HMCES: variants seen among roughly 807,000 people sequenced by gnomAD.
HMCES encodes 5-hydroxymethylcytosine binding, ES cell specific, also known as abasic site processing protein HMCES.
In HMCES, 27 loss-of-function variants were observed where a neutral mutation model predicts 35.1. That is an observed-to-expected ratio of 0.77 (90% CI 0.57 to 1.06). The LOEUF is 1.06. HMCES is among the 50% of genes least tolerant of loss of function. HMCES has a pLI of 0.00. For synonymous variants in HMCES, 130 were observed against 154.7 expected (o/e 0.84, Z 1.18); for missense variants, 391 against 430.4 (o/e 0.91, Z 0.81).
rs1288120318 is a variant in HMCES at position 129,306,019 on chromosome 3, G to A, written c.*1194G>A. On this transcript the variant is annotated 3_prime_UTR_variant, in exon 7 of 7. Coordinates refer to ENST00000383463, the MANE Select transcript of HMCES (RefSeq NM_020187.3). ...CCGGTTGAGAGGCGGGGGTTGGCCC[G>A]TAGTTGTACACTCAGTCACCCTGCA... The A allele has an allele frequency of 3.9e-5, 6 of 152,248 alleles. No homozygotes were observed. The highest frequency in any genetic ancestry group is 1.2e-4 in the African/African-American group (5 of 41,458). 9.4% of individuals were successfully genotyped at this position (152,248 alleles called of 1,614,324 possible). A position where few individuals can be genotyped will look rare whatever the true frequency, so the allele number is the denominator to read the frequency against.
intron 4 of HMCES, among the ~76,000 whole-genome samples, chr3:129,297,326 G>T (rs946365671): frequency 2.6e-5 from 4 of 152,168 alleles, no homozygotes; most frequent in Non-Finnish European, 4.4e-5. Flanking sequence ...TCCCCAGGGC[G>T]TAGGGGGCTT....
intron 4 of HMCES, 31 bp downstream of exon 4, chr3:129,290,835 T>G: frequency 1.3e-6 from 2 of 1,596,560 alleles, no homozygotes; most frequent in Non-Finnish European, 1.7e-6. Flanking sequence ...AATATATATT[T>G]GGAAAGGCAC....
At position 129,305,117 on chromosome 3, in the gene HMCES, T is replaced by A; in HGVS notation, c.*292T>A. The A allele has an allele frequency of 2.2e-6, 1 of 448,300 alleles. No individual in the cohort carries two copies. Among genetic ancestry groups the A allele is most frequent in the South Asian group, 3.0e-5 (1 of 33,262 alleles). The allele number at this position is 448,300 out of a possible 1,614,324, so 27.8% of individuals were successfully genotyped here. A position where few individuals can be genotyped will look rare whatever the true frequency, so the allele number is the denominator to read the frequency against. On this transcript the variant is annotated 3_prime_UTR_variant, in exon 7 of 7. Transcript: ENST00000383463. ...TGGAGTCTTCCCTCAAAGCATGCCT[T>A]ACCCAGCTGGGAAGTCTCTGCCCTG...
chr3:129,282,973 G>A (rs1213252448), intron 2 of HMCES, among the ~76,000 whole-genome samples: 2 of 152,198 alleles, frequency 1.3e-5, no homozygotes, highest in Admixed American at 6.5e-5. Flanking sequence ...AGTGGAATTT[G>A]TGAGAGCAGA....
rs1339799655 is a variant in HMCES at position 129,293,913 on chromosome 3, G to A, written c.453+3109G>A. ...TACAGATAGTTGGATTTTCCTTTTTGATTCAGTCTGACAATCATTCTTTTA... is the reference window on the plus strand; with the variant it reads ...TACAGATAGTTGGATTTTCCTTTTTAATTCAGTCTGACAATCATTCTTTTA... On this transcript the variant is annotated intron_variant, in intron 4 of 6. Coordinates refer to ENST00000383463, the MANE Select transcript of HMCES (RefSeq NM_020187.3). Among the ~76,000 whole-genome samples, 5 of 151,866 alleles carry A rather than the reference G, an allele frequency of 3.3e-5. No individual in the cohort carries two copies. The East Asian group carries it at 9.6e-4, about 29-fold the overall frequency.
At chr3:129,286,980 C>T (rs1037648369) in intron 2 of HMCES, among the ~76,000 whole-genome samples, 43 of 152,274 alleles carry the variant, frequency 2.8e-4, no homozygotes, top group African/African-American at 9.6e-4. Flanking sequence ...TTTAGAGATT[C>T]ATTAGAAGGG....
chr3:129,296,064 T>C (rs753489550), intron 4 of HMCES, among the ~76,000 whole-genome samples: 1 of 152,128 alleles, frequency 6.6e-6, no homozygotes, highest in Non-Finnish European at 1.5e-5. Context: ...CACTGACCGT[T>C]TTTTTTCTTT....
At position 129,282,295 on chromosome 3, in the gene HMCES, C is replaced by CAA. The variant is rs201242976; in HGVS notation, c.183+2396_183+2397dup. 4.1e-3 allele frequency among the ~76,000 whole-genome samples: 376 copies of CAA among 91,062 alleles called. 1 individual carries two copies. The highest frequency in any genetic ancestry group is 5.8e-3 in the Non-Finnish European group (231 of 39,822). 59.7% of individuals were successfully genotyped at this position (91,062 alleles called of 152,430 possible). A position where few individuals can be genotyped will look rare whatever the true frequency, so the allele number is the denominator to read the frequency against. On this transcript the variant is annotated intron_variant, in intron 2 of 6. Transcript: ENST00000383463. ...TGAGCAAATGAGACCCTGTTTTTAACAAAAAAAAAAAAAAAAAGCCTTAGT... is the reference window on the plus strand; with the variant it reads ...TGAGCAAATGAGACCCTGTTTTTAACAAAAAAAAAAAAAAAAAAAGCCTTAGT...
chr3:129,288,942 A>G lies in HMCES; in HGVS notation c.272A>G (p.Gln91Arg), dbSNP rs1279214725. Residue 91 changes from glutamine to arginine, a missense_variant, in exon 3 of 7, where the codon CAG becomes CGG. Gln to Arg is a conservative substitution (Grantham distance 43, BLOSUM62 1). Transcript: ENST00000383463. ...AAAGAAAGTGATCCTTCCAAGCTGC[A>G]GTTCAATACTACCAACTGTCGTAGT... ...WFKESDPSKL[Q>R]FNTTNCRSDT... 6.2e-7 allele frequency: 1 copy of G among 1,602,652 alleles called. No individual in the cohort carries two copies. The highest frequency in any genetic ancestry group is 1.3e-5 in the African/African-American group (1 of 74,926).
intron 5 of HMCES, among the ~76,000 whole-genome samples, chr3:129,300,980 G>A (rs1425278764): frequency 2.0e-5 from 3 of 149,832 alleles, no homozygotes; most frequent in African/African-American, 5.0e-5. Flanking sequence ...GCAATGAGCC[G>A]AGATCATGCC....
chr3:129,300,045 C>T (rs536620552), intron 5 of HMCES, among the ~76,000 whole-genome samples: 3 of 151,676 alleles, frequency 2.0e-5, no homozygotes, highest in Non-Finnish European at 4.4e-5. Context: ...CATTTTTCTT[C>T]CAGGATCTTT....
chr3:129,299,016 C>T (rs1005901775), intron 5 of HMCES, among the ~76,000 whole-genome samples: 6 of 152,050 alleles, frequency 3.9e-5, no homozygotes, highest in African/African-American at 9.7e-5. Flanking sequence ...GGCATGGTGG[C>T]GGGCTCCTGT....
intron 5 of HMCES, among the ~76,000 whole-genome samples, chr3:129,300,655 G>C (rs1292348560): frequency 1.3e-5 from 2 of 152,078 alleles, no homozygotes; most frequent in Non-Finnish European, 2.9e-5. Context: ...CCAGCACTTT[G>C]GGACGCCGAG....
At chr3:129,281,769 C>T (rs1170897059) in intron 2 of HMCES, among the ~76,000 whole-genome samples, 2 of 151,244 alleles carry the variant, frequency 1.3e-5, no homozygotes, top group Non-Finnish European at 2.9e-5. Context: ...GAGGCTGAGG[C>T]GGGGCAGTGG....
intron 5 of HMCES, among the ~76,000 whole-genome samples, chr3:129,301,521 C>G (rs1182447349): frequency 1.3e-5 from 2 of 152,180 alleles, no homozygotes; most frequent in Non-Finnish European, 2.9e-5. Flanking sequence ...TGTTTGACAG[C>G]TTCTCTGCTT....
chr3:129,280,485 G>T (rs1012969074), intron 2 of HMCES, among the ~76,000 whole-genome samples: 1 of 152,130 alleles, frequency 6.6e-6, no homozygotes, highest in Non-Finnish European at 1.5e-5. Context: ...GACAGATCAA[G>T]ACCCTGCCTA....
At chr3:129,296,113 T>C (rs1400683290) in intron 4 of HMCES, among the ~76,000 whole-genome samples, 1 of 152,134 alleles carries the variant, frequency 6.6e-6, no homozygotes, top group African/African-American at 2.4e-5. Flanking sequence ...CAAGCTGGAG[T>C]ACAGTGGTGC....
intron 3 of HMCES, among the ~76,000 whole-genome samples, chr3:129,289,945 T>TA (rs1940752937): frequency 6.6e-6 from 1 of 152,012 alleles, no homozygotes; most frequent in Non-Finnish European, 1.5e-5. Context: ...CCCAGCACTT[T>TA]GGGAGGCCAA....
At chr3:129,283,338 T>C (rs544859102) in intron 2 of HMCES, among the ~76,000 whole-genome samples, 26 of 151,304 alleles carry the variant, frequency 1.7e-4, no homozygotes, top group African/African-American at 6.3e-4. Flanking sequence ...GGAAGACTTT[T>C]TTTTTTTTTT....
Sources: gnomAD v4.1 joint callset for allele counts (sites outside exome capture counted in the v4.1 genomes callset) on GRCh38, gnomAD v4.1.1 for gene constraint, MANE v1.5 for transcripts, NCBI Gene and HGNC (gene_info 2026-07-23, HGNC 2026-07-21) for gene names.